HDDC2: variants seen among roughly 807,000 people sequenced by gnomAD.
HDDC2 encodes the protein HD domain containing 2, also known as 5'-deoxynucleotidase HDDC2.
HDDC2 carries 25 observed loss-of-function variants against 25.5 expected under a neutral mutation model. That is an observed-to-expected ratio of 0.98 (90% CI 0.72 to 1.37). The LOEUF (loss-of-function observed/expected upper bound fraction) is 1.37. HDDC2 is among the 40% of genes most tolerant of loss of function. HDDC2 has a pLI of 0.00. For missense variants in HDDC2, 264 were observed against 253.1 expected (o/e 1.04, Z -0.29); for synonymous variants, 106 against 89.7 (o/e 1.18, Z -1.03).
At chr6:125,287,220 A>C (rs1356233432) in intron 4 of HDDC2, among the ~76,000 whole-genome samples, 1 of 152,228 alleles carries the variant, frequency 6.6e-6, no homozygotes, top group Non-Finnish European at 1.5e-5. Flanking sequence ...AGCTTTAAAA[A>C]AAGTGAGCAT....
chr6:125,298,214 C>A (rs1562449931), intron 3 of HDDC2, among the ~76,000 whole-genome samples: 1 of 152,170 alleles, frequency 6.6e-6, no homozygotes, highest in Non-Finnish European at 1.5e-5. Flanking sequence ...CAAATCTACA[C>A]ATGTACCCTG....
rs569178720 is a variant in HDDC2 at position 125,301,593 on chromosome 6, C to G, written c.84+256G>C. On this transcript the variant is annotated intron_variant, in intron 1 of 5. Coordinates refer to ENST00000398153, the MANE Select transcript of HDDC2 (RefSeq NM_016063.3). ...TCCGGGAACTGGCGCGGCTGCAGTG[C>G]GGACCTCGCGGCGCCAGGCTCTAGG... is the stretch of plus-strand genomic sequence containing the variant. Among the ~76,000 whole-genome samples the G allele has an allele frequency of 2.6e-5, 4 of 151,948 alleles. No individual in the cohort carries two copies. In the South Asian group the frequency reaches 8.3e-4, roughly 32 times the overall value.
chr6:125,294,821 T>A (rs1161733944), intron 3 of HDDC2, among the ~76,000 whole-genome samples: 7 of 152,220 alleles, frequency 4.6e-5, no homozygotes, highest in Non-Finnish European at 5.9e-5. Flanking sequence ...AAGTGCAGTG[T>A]AAGACTGAAT....
intron 4 of HDDC2, among the ~76,000 whole-genome samples, chr6:125,287,807 G>C (rs1449082147): frequency 6.6e-6 from 1 of 152,212 alleles, no homozygotes. Flanking sequence ...AGAAAACCAG[G>C]AGAGGGCAAT....
At chr6:125,284,232 C>G (rs1798500068) in intron 4 of HDDC2, among the ~76,000 whole-genome samples, 1 of 152,156 alleles carries the variant, frequency 6.6e-6, no homozygotes. Flanking sequence ...CTAGGCAATA[C>G]CATTCAGGAC....
At chr6:125,276,636 T>A in intron 5 of HDDC2, 2 of 244,996 alleles carry the variant, frequency 8.2e-6, no homozygotes, top group Non-Finnish European at 7.8e-6. Flanking sequence ...CACCTATATA[T>A]GAAAAGACAA....
chr6:125,289,533 A>AC (rs1409054859), intron 4 of HDDC2, among the ~76,000 whole-genome samples: 1 of 151,750 alleles, frequency 6.6e-6, no homozygotes, highest in Non-Finnish European at 1.5e-5. Context: ...ACAAAAAAAA[A>AC]ACATTTCCTT....
At chr6:125,292,768 G>A (rs1481560801) in intron 4 of HDDC2, 73 bp downstream of exon 4, 6 of 1,141,064 alleles carry the variant, frequency 5.3e-6, no homozygotes, top group South Asian at 2.5e-5. Context: ...GATCATCTAA[G>A]TCAAGTACAA....
chr6:125,283,886 G>A (rs955103084), intron 4 of HDDC2, among the ~76,000 whole-genome samples: 2 of 152,100 alleles, frequency 1.3e-5, no homozygotes, highest in African/African-American at 4.8e-5. Context: ...GAACAAAACT[G>A]AAGGCATCAC....
chr6:125,279,964 G>C (rs1161186555), intron 4 of HDDC2, among the ~76,000 whole-genome samples: 2 of 152,194 alleles, frequency 1.3e-5, no homozygotes, highest in African/African-American at 4.8e-5. Flanking sequence ...GGCCGAATAG[G>C]AACAGCTCTG....
At chr6:125,301,735 G>A (rs1272958747) in intron 1 of HDDC2, 114 bp downstream of exon 1, 1 of 709,380 alleles carries the variant, frequency 1.4e-6, no homozygotes, top group East Asian at 3.2e-5. Flanking sequence ...ATTCGGCGTG[G>A]CGGACGCGGC....
At chr6:125,283,270 C>A (rs1212232231) in intron 4 of HDDC2, among the ~76,000 whole-genome samples, 4 of 152,218 alleles carry the variant, frequency 2.6e-5, no homozygotes. Flanking sequence ...CAAGGATGCC[C>A]TCTCTCACCA....
chr6:125,300,686 G>C, intron 1 of HDDC2, 27 bp from the exon 2 acceptor site: 5 of 1,606,816 alleles, frequency 3.1e-6, no homozygotes, highest in Non-Finnish European at 4.2e-6. Flanking sequence ...AGAAAAAGAA[G>C]TTTTAAAGAA....
At chr6:125,295,372 C>G (rs1798693505) in intron 3 of HDDC2, among the ~76,000 whole-genome samples, 1 of 152,154 alleles carries the variant, frequency 6.6e-6, no homozygotes, top group Admixed American at 6.5e-5. Flanking sequence ...ACTGATGAGG[C>G]TGAAGAGTGT....
At chr6:125,281,958 G>A (rs773805050) in intron 4 of HDDC2, among the ~76,000 whole-genome samples, 26 of 152,100 alleles carry the variant, frequency 1.7e-4, no homozygotes, top group Non-Finnish European at 2.8e-4. Flanking sequence ...GAGAAAGGTC[G>A]GGTTACCCAC....
intron 4 of HDDC2, among the ~76,000 whole-genome samples, chr6:125,291,397 T>C (rs770789319): frequency 2.6e-5 from 4 of 152,178 alleles, no homozygotes; most frequent in Non-Finnish European, 5.9e-5. Flanking sequence ...TTCCTTATTT[T>C]AGAAAAATAA....
In HDDC2 at chr6:125,300,538, C is replaced by G; in HGVS notation, c.206G>C (p.Arg69Pro). Residue 69 changes from arginine (R) to proline (P), a missense_variant and splice_region_variant, in exon 2 of 6, where the codon CGA becomes CCA. By Grantham distance (103) the Arg-to-Pro change is moderately radical. Transcript: ENST00000398153. The part of the protein sequence containing the change: ...VIKDDRLNKD[R>P]CVRLALVHDM... ...AGCATCAAAGTCCAGCTCAGCTTAC[C>G]GGTCTTTGTTAAGACGGTCATCTTT... 1.2e-6 allele frequency: 2 copies of G among 1,613,310 alleles called. No homozygotes were observed. The highest frequency in any genetic ancestry group is 1.7e-6 in the Non-Finnish European group (2 of 1,179,692).
chr6:125,300,883 CA>C (rs1234206709), intron 1 of HDDC2, among the ~76,000 whole-genome samples: 2 of 145,784 alleles, frequency 1.4e-5, no homozygotes, highest in African/African-American at 5.5e-5. Flanking sequence ...AGATAAGTCA[CA>C]AAGTCCATTC....
chr6:125,281,957 C>T (rs1357464222), intron 4 of HDDC2, among the ~76,000 whole-genome samples: 3 of 152,136 alleles, frequency 2.0e-5, no homozygotes, highest in Non-Finnish European at 2.9e-5. Flanking sequence ...AGAGAAAGGT[C>T]GGGTTACCCA....
Sources: allele counts gnomAD v4.1 joint callset (sites outside exome capture counted in the v4.1 genomes callset), GRCh38; gene constraint gnomAD v4.1.1; transcripts MANE v1.5; gene names NCBI Gene and HGNC (gene_info 2026-07-23, HGNC 2026-07-21).